Variants in KIAA1549L observed in about 807,000 individuals in gnomAD.
KIAA1549L encodes the protein KIAA1549 like, also known as UPF0606 protein KIAA1549L.
Under a neutral mutation model 160.7 loss-of-function variants are expected in KIAA1549L, and 88 were observed. The observed-to-expected ratio is 0.55, with a 90% CI of 0.46 to 0.65. KIAA1549L has a LOEUF of 0.65. KIAA1549L is among the 30% of genes least tolerant of loss of function. The pLI is 0.00. For missense variants in KIAA1549L, 2,258 were observed against 2,437.5 expected (o/e 0.93, Z 1.55); for synonymous variants, 950 against 976.7 (o/e 0.97, Z 0.51).
chr11:33,545,091 C>T lies in KIAA1549L; in HGVS notation c.3098C>T (p.Ser1033Phe). The part of the protein sequence containing the change: ...TAMQGNMDTA[S>F]GLLSTTYLPR... The stretch of plus-strand genomic sequence containing the variant: ...ATGCAAGGAAACATGGACACTGCCT[C>T]TGGCCTGTTGTCTACAACTTACCTC... The change falls in exon 3 of 21, where the codon TCT (serine) becomes TTT (phenylalanine). Residue 1033 changes from serine (S) to phenylalanine (F), a missense_variant. Ser to Phe is a radical substitution (Grantham distance 155). Coordinates refer to ENST00000658780, the MANE Select transcript of KIAA1549L (RefSeq NM_012194.3). The T allele has an allele frequency of 6.2e-7, 1 of 1,614,054 alleles. No individual in the cohort carries two copies.
Position 33,622,170 on chromosome 11 carries a change from C to T in KIAA1549L, c.5409+3508C>T, listed in dbSNP as rs116967088. 2.2e-4 allele frequency among the ~76,000 whole-genome samples: 34 copies of T among 152,254 alleles called. No individual in the cohort carries two copies. The East Asian group carries it at 6.4e-3, about 28-fold the overall frequency. On this transcript the variant is annotated intron_variant, in intron 16 of 20. Transcript: ENST00000658780. The stretch of plus-strand genomic sequence containing the variant: ...GCTTCTTTGGGGAAATGTTTGAAAC[C>T]AGATGCTTCTACAGCTGAAAAGTAC...
At chr11:33,631,398 C>T (rs1851284301) in intron 16 of KIAA1549L, among the ~76,000 whole-genome samples, 1 of 152,214 alleles carries the variant, frequency 6.6e-6, no homozygotes, top group African/African-American at 2.4e-5. Flanking sequence ...AATCTCCCTT[C>T]CCACCTGCTT....
chr11:33,586,188 A>G (rs1190498630), intron 11 of KIAA1549L, among the ~76,000 whole-genome samples: 1 of 152,256 alleles, frequency 6.6e-6, no homozygotes, highest in East Asian at 1.9e-4. Flanking sequence ...TTAGACTAGG[A>G]GGACAGTCCT....
intron 20 of KIAA1549L, chr11:33,665,446 A>G (rs1364653011): frequency 6.6e-6 from 1 of 152,174 alleles, no homozygotes; most frequent in African/African-American, 2.4e-5. Flanking sequence ...ACTTGTTCAG[A>G]CATCTCTGCA....
intron 1 of KIAA1549L, among the ~76,000 whole-genome samples, chr11:33,501,018 A>G (rs1019268116): frequency 1.3e-5 from 2 of 151,858 alleles, no homozygotes; most frequent in African/African-American, 4.8e-5. Flanking sequence ...CCAAAGACAT[A>G]CTCCTCCAAT....
Position 33,657,931 on chromosome 11 carries a change from G to A in KIAA1549L, c.5859-819G>A, listed in dbSNP as rs529448656. 5.3e-5 allele frequency among the ~76,000 whole-genome samples: 8 copies of A among 152,344 alleles called. No homozygotes were observed. The South Asian group carries it at 1.7e-3, about 32-fold the overall frequency. ...AGCTCAGAGGGTGGCCCTGTGGGGG[G>A]CCAGGCCTGCTGCAGCTGTCTTTGC... On this transcript the variant is annotated intron_variant, in intron 18 of 20. Coordinates refer to ENST00000658780, the MANE Select transcript of KIAA1549L (RefSeq NM_012194.3).
chr11:33,586,084 TG>T (rs1849861803), intron 11 of KIAA1549L, among the ~76,000 whole-genome samples: 1 of 152,238 alleles, frequency 6.6e-6, no homozygotes, highest in Non-Finnish European at 1.5e-5. Flanking sequence ...GAGAGCTTCC[TG>T]CATCACTTCT....
rs145749988 is a variant in KIAA1549L at position 33,629,458 on chromosome 11, C to G, written c.5409+10796C>G. ...CGTACATTTGGTCTTTTCACATAGTCCCATATTTCTTGGAGGCTTTGCTCG... is the reference window on the plus strand; with the variant it reads ...CGTACATTTGGTCTTTTCACATAGTGCCATATTTCTTGGAGGCTTTGCTCG... On this transcript the variant is annotated intron_variant, in intron 16 of 20. Coordinates refer to ENST00000658780, the MANE Select transcript of KIAA1549L (RefSeq NM_012194.3). Among the ~76,000 whole-genome samples, 575 of 152,216 alleles carry G rather than the reference C, an allele frequency of 3.8e-3. 3 individuals carry two copies. Among genetic ancestry groups the G allele is most frequent in the Middle Eastern group, 0.01 (3 of 294 alleles).
At chr11:33,441,446 T>C (rs1465900778) in intron 1 of KIAA1549L, among the ~76,000 whole-genome samples, 2 of 151,190 alleles carry the variant, frequency 1.3e-5, no homozygotes, top group Non-Finnish European at 2.9e-5. Context: ...AGTAATGGGA[T>C]GGCTGGGTCA....
At chr11:33,407,080 C>CCTTT (rs1491483483) in intron 1 of KIAA1549L, among the ~76,000 whole-genome samples, 2 of 79,586 alleles carry the variant, frequency 2.5e-5, no homozygotes, top group Non-Finnish European at 4.8e-5. Context: ...TTTCTTTTTT[C>CCTTT]ATTTTTTTTT....
chr11:33,529,419 A>T (rs1853687820), intron 1 of KIAA1549L, among the ~76,000 whole-genome samples: 1 of 152,248 alleles, frequency 6.6e-6, no homozygotes, highest in South Asian at 2.1e-4. Context: ...TCTGGATGGC[A>T]ATCATGATAA....
chr11:33,475,599 T>C (rs541130048), intron 1 of KIAA1549L, among the ~76,000 whole-genome samples: 3 of 150,022 alleles, frequency 2.0e-5, no homozygotes, highest in Non-Finnish European at 4.4e-5. Context: ...ATGCCTGTAA[T>C]CCCAGCACCT....
At position 33,443,035 on chromosome 11, in the gene KIAA1549L, CTTAA is replaced by C. The variant is rs543972850; in HGVS notation, c.238+66150_238+66153del. Among the ~76,000 whole-genome samples the C allele has an allele frequency of 5.6e-3, 845 of 152,252 alleles. 6 individuals are homozygous for C. The highest frequency in any genetic ancestry group is 9.6e-3 in the Non-Finnish European group (651 of 68,004). On this transcript the variant is annotated intron_variant, in intron 1 of 20. Coordinates refer to ENST00000658780, the MANE Select transcript of KIAA1549L (RefSeq NM_012194.3). ...TTTTCAAAATGATTTGCTTAATTTG[CTTAA>C]TTATCTTTTCCATAATTTGTGTAAT...
intron 11 of KIAA1549L, among the ~76,000 whole-genome samples, chr11:33,588,684 G>GT (rs1305423239): frequency 5.9e-5 from 9 of 152,302 alleles, no homozygotes; most frequent in Middle Eastern, 3.4e-3. Flanking sequence ...GCTTGCTTCT[G>GT]TTTCTTATAG....
At chr11:33,394,732 T>C (rs967447187) in intron 1 of KIAA1549L, among the ~76,000 whole-genome samples, 1 of 152,212 alleles carries the variant, frequency 6.6e-6, no homozygotes, top group Non-Finnish European at 1.5e-5. Context: ...TATTTCTCAC[T>C]CACATAAAGA....
At chr11:33,667,025 T>C (rs1852480693) in intron 20 of KIAA1549L, among the ~76,000 whole-genome samples, 1 of 152,200 alleles carries the variant, frequency 6.6e-6, no homozygotes, top group South Asian at 2.1e-4. Context: ...TGCTGGATTG[T>C]ACTTATATGA....
chr11:33,435,775 T>G lies in KIAA1549L; in HGVS notation c.238+58886T>G, dbSNP rs12792138. Among the ~76,000 whole-genome samples, 12 of 6,460 alleles carry G rather than the reference T, an allele frequency of 1.9e-3. 2 individuals carry two copies. Among genetic ancestry groups the G allele is most frequent in the East Asian group, 0.012 (2 of 164 alleles). 4.2% of individuals were successfully genotyped at this position (6,460 alleles called of 152,430 possible). On this transcript the variant is annotated intron_variant, in intron 1 of 20. Coordinates refer to ENST00000658780, the MANE Select transcript of KIAA1549L (RefSeq NM_012194.3). ...AACCAATAAGATATATATATATATA[T>G]ATATATATATATATATATATATATA...
At position 33,543,322 on chromosome 11, in the gene KIAA1549L, A is replaced by G; in HGVS notation, c.1759A>G (p.Lys587Glu). ...GATTCCTCTCCAGGCCTTTCCAAGG[A>G]AAGAGGTTTTGAGTCTTCACACTGT... Reference protein sequence around the residue: ...VTIPLQAFPRKEVLSLHTVNG... With the variant: ...VTIPLQAFPREEVLSLHTVNG... Residue 587 changes from lysine (K) to glutamate (E), a missense_variant, in exon 2 of 21, where the codon AAA becomes GAA. Around this residue, in one of 6 missense-constraint regions of KIAA1549L, gnomAD observed 540 missense variants for 465.7 expected, o/e 1.16. Transcript: ENST00000658780. The G allele has an allele frequency of 6.2e-7, 1 of 1,614,068 alleles. No individual in the cohort carries two copies. The highest frequency in any genetic ancestry group is 1.1e-5 in the South Asian group (1 of 91,086).
chr11:33,668,094 C>T lies in KIAA1549L; in HGVS notation c.6381C>T (p.Ile2127=). The T allele has an allele frequency of 3.1e-6, 5 of 1,613,986 alleles. No homozygotes were observed. The highest frequency in any genetic ancestry group is 4.2e-6 in the Non-Finnish European group (5 of 1,179,892). The stretch of plus-strand genomic sequence containing the variant: ...CCACTGCGGCCCTTGTGAAGGCCAT[C>T]CGGGAGGAGGTGGCCAAGCTGGCCA... ...NISTAALVKA[I]REEVAKLAKK... Residue 2127 remains isoleucine, a synonymous_variant, in exon 21 of 21, where the codon ATC becomes ATT. Coordinates refer to ENST00000658780, the MANE Select transcript of KIAA1549L (RefSeq NM_012194.3).
Sources: allele counts gnomAD v4.1 joint callset (sites outside exome capture counted in the v4.1 genomes callset), GRCh38; gene constraint gnomAD v4.1.1; regional missense constraint gnomAD v4.1.1; transcripts MANE v1.5; gene names NCBI Gene and HGNC (gene_info 2026-07-23, HGNC 2026-07-21).